Variants in TESC observed in about 807,000 individuals in gnomAD.
TESC encodes calcineurin B homologous protein 3.
A neutral mutation model predicts 31.0 loss-of-function variants in TESC; 19 were observed. The ratio of observed to expected loss-of-function variants is 0.61; its 90% confidence interval spans 0.43 to 0.90. TESC has a LOEUF of 0.90. Among genes scored for constraint, TESC ranks in the 40% least tolerant of loss-of-function variants. The pLI is 0.00. For missense variants in TESC, 248 were observed against 303.8 expected (o/e 0.82, Z 1.36); for synonymous variants, 109 against 114.8 (o/e 0.95, Z 0.32).
intron 2 of TESC, among the ~76,000 whole-genome samples, chr12:117,058,867 C>T (rs1425933683): frequency 6.6e-6 from 1 of 152,134 alleles, no homozygotes; most frequent in African/African-American, 2.4e-5. Flanking sequence ...GGTTTGCAGG[C>T]AGGGGCGTCA....
In TESC at chr12:117,071,103, C is replaced by T. The variant is rs116053514; in HGVS notation, c.128+4168G>A. Among the ~76,000 whole-genome samples the T allele has an allele frequency of 4.4e-3, 663 of 152,358 alleles. 6 individuals are homozygous for T. Among genetic ancestry groups the T allele is most frequent in the African/African-American group, 0.015 (618 of 41,586 alleles). ...CTGCTGAATTCTTTCACCTGGATTA[C>T]ATCAACCTAACAAGGAAGTACTATT... On this transcript the variant is annotated intron_variant, in intron 2 of 7. Coordinates refer to ENST00000335209, the MANE Select transcript of TESC (RefSeq NM_017899.4).
chr12:117,057,453 T>C (rs889697430), intron 2 of TESC, among the ~76,000 whole-genome samples: 3 of 152,106 alleles, frequency 2.0e-5, no homozygotes, highest in Non-Finnish European at 4.4e-5. Context: ...CCCAAACAAA[T>C]GCAGAGACGT....
intron 1 of TESC, among the ~76,000 whole-genome samples, chr12:117,098,966 G>C (rs146559393): frequency 0.011 from 1,616 of 152,130 alleles, 12 homozygotes; most frequent in Non-Finnish European, 0.015. Flanking sequence ...CTCCCTCCCC[G>C]GTCCGCAGTC....
chr12:117,090,005 A>C (rs1955284454), intron 1 of TESC, among the ~76,000 whole-genome samples: 1 of 152,176 alleles, frequency 6.6e-6, no homozygotes, highest in South Asian at 2.1e-4. Flanking sequence ...TTAGACTAAC[A>C]GCTGATTTCT....
intron 1 of TESC, among the ~76,000 whole-genome samples, chr12:117,075,863 A>ATGTGTGTGTGTGTGTG (rs1565971343): frequency 4.1e-5 from 2 of 49,360 alleles, no homozygotes; most frequent in Non-Finnish European, 3.6e-5. Context: ...ATATATATAT[A>ATGTGTGTGTGTGTGTG]TATATATGTG....
At chr12:117,059,200 C>T (rs752932492) in intron 2 of TESC, among the ~76,000 whole-genome samples, 1 of 152,210 alleles carries the variant, frequency 6.6e-6, no homozygotes, top group Non-Finnish European at 1.5e-5. Context: ...AGGGACTCTA[C>T]GCCGTTTGGG....
At chr12:117,090,158 A>G (rs940914210) in intron 1 of TESC, among the ~76,000 whole-genome samples, 3 of 152,264 alleles carry the variant, frequency 2.0e-5, no homozygotes, top group Non-Finnish European at 2.9e-5. Flanking sequence ...GCCTCACTGA[A>G]AAATCTACAG....
At chr12:117,082,754 A>G (rs1477756877) in intron 1 of TESC, among the ~76,000 whole-genome samples, 1 of 152,214 alleles carries the variant, frequency 6.6e-6, no homozygotes, top group African/African-American at 2.4e-5. Context: ...ATACAACAAA[A>G]TAATAGTAGT....
At chr12:117,063,680 C>T (rs1014379001) in intron 2 of TESC, among the ~76,000 whole-genome samples, 8 of 152,178 alleles carry the variant, frequency 5.3e-5, no homozygotes, top group Middle Eastern at 3.2e-3. Flanking sequence ...GCCACTTTGC[C>T]GGGCTGCCTG....
At chr12:117,050,740 C>T (rs577486754) in intron 3 of TESC, among the ~76,000 whole-genome samples, 133 of 152,336 alleles carry the variant, frequency 8.7e-4, no homozygotes, top group Non-Finnish European at 1.4e-3. Flanking sequence ...CAAGACCACC[C>T]TGGGCAACAG....
chr12:117,048,999 G>C lies in TESC; in HGVS notation c.349+20C>G, dbSNP rs201990334. The C allele has an allele frequency of 1.2e-6, 2 of 1,614,038 alleles. No homozygotes were observed. The highest frequency in any genetic ancestry group is 2.7e-5 in the African/African-American group (2 of 75,050). On this transcript the variant is annotated intron_variant, in intron 4 of 7. Coordinates refer to ENST00000335209, the MANE Select transcript of TESC (RefSeq NM_017899.4). ...TGCACCCCAGGCCAGGTGTGAGCAA[G>C]GGGACTCAGTGGCACGCACATCTCA...
intron 3 of TESC, 149 bp from the exon 4 acceptor site, chr12:117,049,307 G>T: frequency 8.6e-7 from 1 of 1,166,534 alleles, no homozygotes; most frequent in South Asian, 1.5e-5. Context: ...CCAAGAACCT[G>T]CTTCGTGGCG....
chr12:117,056,512 AT>A (rs1273769093), intron 3 of TESC, among the ~76,000 whole-genome samples: 1 of 152,224 alleles, frequency 6.6e-6, no homozygotes, highest in Non-Finnish European at 1.5e-5. Flanking sequence ...AGCTGAGACT[AT>A]AGGTGTGCAC....
intron 6 of TESC, among the ~76,000 whole-genome samples, chr12:117,043,718 G>C (rs1281460324): frequency 3.9e-5 from 6 of 152,090 alleles, no homozygotes; most frequent in Admixed American, 1.3e-4. Context: ...CAACCGCCTG[G>C]GGCTCCCAAA....
chr12:117,075,897 A>ATGTG (rs1565971545), intron 1 of TESC, among the ~76,000 whole-genome samples: 26 of 66,370 alleles, frequency 3.9e-4, no homozygotes, highest in African/African-American at 1.2e-3. Flanking sequence ...ATATATATAT[A>ATGTG]TATATATATA....
At chr12:117,047,874 G>A (rs190235362) in intron 4 of TESC, among the ~76,000 whole-genome samples, 195 of 152,096 alleles carry the variant, frequency 1.3e-3, no homozygotes, top group South Asian at 4.4e-3. Flanking sequence ...CCGAGTACCA[G>A]GGACCACAGG....
intron 1 of TESC, among the ~76,000 whole-genome samples, chr12:117,075,868 TA>T (rs1565971382): frequency 1.1e-4 from 3 of 28,298 alleles, no homozygotes; most frequent in African/African-American, 4.5e-4. Context: ...TATATATATA[TA>T]TGTGTGTATA....
chr12:117,044,972 G>C (rs1238182470), intron 6 of TESC, among the ~76,000 whole-genome samples: 1 of 152,166 alleles, frequency 6.6e-6, no homozygotes, highest in East Asian at 1.9e-4. Flanking sequence ...CATTAAAGTG[G>C]GGACCAGGGA....
intron 1 of TESC, among the ~76,000 whole-genome samples, chr12:117,082,486 G>C (rs1955162284): frequency 6.7e-6 from 1 of 148,844 alleles, no homozygotes; most frequent in African/African-American, 2.5e-5. Flanking sequence ...GGGGGGACAA[G>C]AGTGAGACTT....
Sources: allele counts gnomAD v4.1 joint callset (sites outside exome capture counted in the v4.1 genomes callset), GRCh38; gene constraint gnomAD v4.1.1; transcripts MANE v1.5; gene names NCBI Gene and HGNC (gene_info 2026-07-23, HGNC 2026-07-21).